Variants in ROBO2 observed in about 807,000 individuals in gnomAD.
ROBO2 encodes the protein roundabout guidance receptor 2.
In ROBO2, 53 loss-of-function variants were observed where a neutral mutation model predicts 160.8. The ratio of observed to expected loss-of-function variants is 0.33; its 90% CI spans 0.26 to 0.41. The LOEUF (loss-of-function observed/expected upper bound fraction) is 0.41. ROBO2 is among the 10% of genes least tolerant of loss of function. ROBO2 has a pLI of 1.00. For missense variants in ROBO2, 1,577 were observed against 1,722.4 expected (o/e 0.92, Z 1.49); for synonymous variants, 664 against 611.7 (o/e 1.09, Z -1.26).
At chr3:77,462,765 T>A in intron 2 of ROBO2, among the ~76,000 whole-genome samples, 1 of 17,508 alleles carries the variant, frequency 5.7e-5, no homozygotes, top group South Asian at 2.4e-3. Flanking sequence ...TTTCCAGTAT[T>A]TTTTTTTTCC....
chr3:75,956,973 T>C (rs565147361), intron 2 of ROBO2, among the ~76,000 whole-genome samples: 22 of 151,868 alleles, frequency 1.4e-4, no homozygotes, highest in African/African-American at 5.1e-4. Context: ...CCTGATGTTA[T>C]TTTAGGGCAT....
intron 1 of ROBO2, among the ~76,000 whole-genome samples, chr3:77,050,855 GAA>G (rs534874803): frequency 6.6e-5 from 9 of 136,154 alleles, no homozygotes; most frequent in African/African-American, 2.4e-4. Context: ...CAAAAAAAAA[GAA>G]AAAAAAAAAA....
At position 77,438,239 on chromosome 3, in the gene ROBO2, TGATA is replaced by T. The variant is rs531726468; in HGVS notation, c.389-39163_389-39160del. ...TAGATAGATAGATTGATTGATAGAT[TGATA>T]GATAGATAGATGACAGAGTTGACCT... is the stretch of plus-strand genomic sequence containing the variant. On this transcript the variant is annotated intron_variant, in intron 2 of 25. Coordinates refer to ENST00000461745, the Ensembl canonical transcript of ROBO2. Among the ~76,000 whole-genome samples, 445 of 150,712 alleles carry T rather than the reference TGATA, an allele frequency of 3.0e-3. 2 individuals are homozygous for T. Among genetic ancestry groups the T allele is most frequent in the African/African-American group, 9.3e-3 (383 of 41,140 alleles).
chr3:76,872,446 T>C (rs2072206407), intron 2 of ROBO2, among the ~76,000 whole-genome samples: 1 of 152,096 alleles, frequency 6.6e-6, no homozygotes, highest in Non-Finnish European at 1.5e-5. Flanking sequence ...AAACCTTTTA[T>C]TCCATATTAG....
At chr3:77,178,351 A>ATTTAGAAC (rs1395412312) in intron 2 of ROBO2, among the ~76,000 whole-genome samples, 1 of 152,066 alleles carries the variant, frequency 6.6e-6, no homozygotes, top group African/African-American at 2.4e-5. Flanking sequence ...AATCTCTGCC[A>ATTTAGAAC]TTTAGAACTT....
chr3:76,387,953 AT>A (rs1342832244), intron 2 of ROBO2, among the ~76,000 whole-genome samples: 6 of 152,236 alleles, frequency 3.9e-5, no homozygotes, highest in African/African-American at 1.4e-4. Flanking sequence ...AATGATCAGA[AT>A]TTTACCTTAG....
intron 1 of ROBO2, among the ~76,000 whole-genome samples, chr3:75,917,759 G>T (rs570988839): frequency 6.6e-6 from 1 of 152,112 alleles, no homozygotes; most frequent in South Asian, 2.1e-4. Context: ...TGTCATTGTG[G>T]TTTTGATTTG....
At chr3:75,961,522 T>C in intron 2 of ROBO2, among the ~76,000 whole-genome samples, 1 of 151,668 alleles carries the variant, frequency 6.6e-6, no homozygotes, top group Admixed American at 6.6e-5. Context: ...TTCTAAGTAA[T>C]AAATAGCTCA....
At chr3:76,167,533 G>T (rs560883381) in intron 2 of ROBO2, among the ~76,000 whole-genome samples, 2 of 152,052 alleles carry the variant, frequency 1.3e-5, no homozygotes, top group African/African-American at 4.8e-5. Flanking sequence ...TATCATGCAC[G>T]TCATGCATGC....
chr3:77,146,638 AC>A (rs1253563163), intron 2 of ROBO2, among the ~76,000 whole-genome samples: 4 of 151,854 alleles, frequency 2.6e-5, no homozygotes, highest in Non-Finnish European at 4.4e-5. Context: ...TATCAAAAAA[AC>A]AACATGAAAT....
Position 76,916,504 on chromosome 3 carries a change from A to G in ROBO2, c.110-181510A>G, listed in dbSNP as rs375937433. ...CTACAGGCCCATGGCACCATGCCCC[A>G]CTAATTTTTTTATTGTTATTTTTTT... is the stretch of plus-strand genomic sequence containing the variant. On this transcript the variant is annotated intron_variant, in intron 2 of 26. Coordinates refer to the ROBO2 transcript ENST00000487694. Among the ~76,000 whole-genome samples, 8 of 150,756 alleles carry G rather than the reference A, an allele frequency of 5.3e-5. No homozygotes were observed. The South Asian group carries it at 1.1e-3, about 20-fold the overall frequency.
chr3:75,957,943 C>T (rs547720126), intron 2 of ROBO2, among the ~76,000 whole-genome samples: 73 of 151,452 alleles, frequency 4.8e-4, no homozygotes, highest in Admixed American at 3.2e-3. Flanking sequence ...ATGTGTTCAC[C>T]CTCAGATTTG....
At chr3:77,323,700 G>T (rs965839057) in intron 2 of ROBO2, among the ~76,000 whole-genome samples, 4 of 152,028 alleles carry the variant, frequency 2.6e-5, no homozygotes, top group African/African-American at 9.7e-5. Flanking sequence ...TCCTGAAAAT[G>T]ATTACAAAGC....
intron 1 of ROBO2, among the ~76,000 whole-genome samples, chr3:77,049,891 C>G (rs2065045205): frequency 6.6e-6 from 1 of 152,086 alleles, no homozygotes; most frequent in South Asian, 2.1e-4. Context: ...CACTTATAAC[C>G]AATTAAAATG....
At chr3:76,441,754 C>A (rs542401641) in intron 2 of ROBO2, among the ~76,000 whole-genome samples, 9 of 152,290 alleles carry the variant, frequency 5.9e-5, no homozygotes, top group African/African-American at 2.2e-4. Context: ...AAATGTCAAG[C>A]CAATTTTCAT....
At chr3:76,175,509 C>T (rs960927638) in intron 2 of ROBO2, among the ~76,000 whole-genome samples, 6 of 151,978 alleles carry the variant, frequency 3.9e-5, no homozygotes, top group Non-Finnish European at 5.9e-5. Flanking sequence ...TTTAAACATG[C>T]AACTCATTTT....
At chr3:75,930,918 T>C (rs934246071) in intron 1 of ROBO2, among the ~76,000 whole-genome samples, 1 of 152,238 alleles carries the variant, frequency 6.6e-6, no homozygotes, top group Non-Finnish European at 1.5e-5. Flanking sequence ...CAACCTACTT[T>C]AATTCTTAAT....
intron 2 of ROBO2, chr3:77,317,377 C>T (rs1165747248): frequency 4.0e-6 from 4 of 1,012,056 alleles, no homozygotes; most frequent in South Asian, 1.4e-5. Context: ...AGTGTATTGT[C>T]GGGGTTCCAT....
At chr3:76,749,512 A>G (rs1400409528) in intron 2 of ROBO2, among the ~76,000 whole-genome samples, 3 of 152,078 alleles carry the variant, frequency 2.0e-5, no homozygotes, top group Middle Eastern at 3.2e-3. Context: ...AGTTAGCTAT[A>G]CCATCACAAG....
Sources: gnomAD v4.1 joint callset for allele counts (sites outside exome capture counted in the v4.1 genomes callset) on GRCh38, gnomAD v4.1.1 for gene constraint, MANE v1.5 for transcripts, NCBI Gene and HGNC (gene_info 2026-07-23, HGNC 2026-07-21) for gene names.